PAX7: variants seen among roughly 807,000 people sequenced by gnomAD.
PAX7 encodes paired box protein Pax-7.
A neutral mutation model predicts 50.7 loss-of-function variants in PAX7; 18 were observed. The ratio of observed to expected loss-of-function variants is 0.36; its 90% CI spans 0.25 to 0.53. PAX7 has a LOEUF of 0.53. Ranked by LOEUF, PAX7 falls within the 20% of genes least tolerant of loss-of-function variation. The pLI is 0.93. For synonymous variants in PAX7, 310 were observed against 290.4 expected (o/e 1.07, Z -0.69); for missense variants, 644 against 702.9 (o/e 0.92, Z 0.95).
intron 4 of PAX7, among the ~76,000 whole-genome samples, chr1:18,670,378 G>A (rs1187136315): frequency 2.0e-5 from 3 of 152,108 alleles, no homozygotes; most frequent in African/African-American, 4.8e-5. Context: ...GCATTGCAGG[G>A]CAGGATGGAG....
intron 4 of PAX7, among the ~76,000 whole-genome samples, chr1:18,657,813 A>G (rs1296130392): frequency 6.6e-6 from 1 of 152,116 alleles, no homozygotes; most frequent in South Asian, 2.1e-4. Context: ...CTAAAAAAAA[A>G]GACGCCAGCC....
intron 4 of PAX7, among the ~76,000 whole-genome samples, chr1:18,651,006 C>T (rs1464064227): frequency 6.6e-6 from 1 of 152,104 alleles, no homozygotes; most frequent in African/African-American, 2.4e-5. Context: ...GGGCTCTGAG[C>T]CCTTATATCC....
At chr1:18,714,597 T>C (rs1239356965) in intron 7 of PAX7, among the ~76,000 whole-genome samples, 1 of 152,218 alleles carries the variant, frequency 6.6e-6, no homozygotes, top group Non-Finnish European at 1.5e-5. Context: ...GTGATCTTGA[T>C]AGAGGCCTTA....
At chr1:18,702,584 A>G (rs1360540754) in intron 6 of PAX7, among the ~76,000 whole-genome samples, 1 of 152,148 alleles carries the variant, frequency 6.6e-6, no homozygotes, top group Non-Finnish European at 1.5e-5. Flanking sequence ...GAGTTAGGCC[A>G]TTCAAATCCT....
chr1:18,740,243 TG>T (rs1931055585), intron 8 of PAX7, among the ~76,000 whole-genome samples: 1 of 152,182 alleles, frequency 6.6e-6, no homozygotes, highest in Admixed American at 6.5e-5. Flanking sequence ...TGCAGCCTGT[TG>T]GGTGCCCTTG....
chr1:18,674,637 A>G (rs1276502141), intron 4 of PAX7, among the ~76,000 whole-genome samples: 1 of 152,178 alleles, frequency 6.6e-6, no homozygotes, highest in Non-Finnish European at 1.5e-5. Context: ...TTCCCATGTG[A>G]AAAAGATCCA....
rs1931378661 is a variant in PAX7, at chr1:18,745,131, A to T, written c.*202A>T. 2.2e-5 allele frequency: 13 copies of T among 583,000 alleles called. No individual in the cohort carries two copies. The South Asian group carries it at 2.5e-4, about 11-fold the overall frequency. 36.1% of individuals were successfully genotyped at this position (583,000 alleles called of 1,614,324 possible). On this transcript the variant is annotated 3_prime_UTR_variant, in exon 9 of 9. Coordinates refer to ENST00000420770, the MANE Select transcript of PAX7 (RefSeq NM_001135254.2). ...TAGGGATCCAGAGTGATGCCCTTGGAGTCTGCTCCCCACTTTCCCCAAGGA... is the reference window on the plus strand; with the variant it reads ...TAGGGATCCAGAGTGATGCCCTTGGTGTCTGCTCCCCACTTTCCCCAAGGA...
rs74056094 is a variant in PAX7, at chr1:18,745,994, C to T, written c.*1065C>T. On this transcript the variant is annotated 3_prime_UTR_variant, in exon 9 of 9. Transcript: ENST00000420770. ...AGTTGAGATTTTGCCCAAAGCCTTC[C>T]GCAGAGGCCCGAGCCCATCCTTACC... The T allele has an allele frequency of 3.9e-3, 911 of 230,826 alleles. 5 individuals are homozygous for T. Among genetic ancestry groups the T allele is most frequent in the African/African-American group, 0.018 (828 of 45,276 alleles). The allele number at this position is 230,826 out of a possible 1,614,324, so 14.3% of individuals were successfully genotyped here.
rs573128015 is a variant in PAX7 at position 18,745,315 on chromosome 1, T to A, written c.*386T>A. On this transcript the variant is annotated 3_prime_UTR_variant, in exon 9 of 9. Transcript: ENST00000420770. Reference sequence around the variant, plus strand: ...TACAGCCCTTTGGACCCAACTCCAGTGGGGGCCCTAGCTAGAAGTGGAGGT... The same window carrying A: ...TACAGCCCTTTGGACCCAACTCCAGAGGGGGCCCTAGCTAGAAGTGGAGGT... 103 of 276,440 alleles carry A rather than the reference T, an allele frequency of 3.7e-4. No homozygotes were observed. Among genetic ancestry groups the A allele is most frequent in the Non-Finnish European group, 5.7e-4 (82 of 144,254 alleles). The allele number at this position is 276,440 out of a possible 1,614,324, so 17.1% of individuals were successfully genotyped here.
At chr1:18,689,225 G>A (rs900116862) in intron 4 of PAX7, among the ~76,000 whole-genome samples, 2 of 152,202 alleles carry the variant, frequency 1.3e-5, no homozygotes, top group African/African-American at 2.4e-5. Flanking sequence ...AAGCCCCAAG[G>A]GCTGGCTTCC....
At chr1:18,743,975 C>T (rs1931286894) in intron 8 of PAX7, among the ~76,000 whole-genome samples, 1 of 152,202 alleles carries the variant, frequency 6.6e-6, no homozygotes, top group Non-Finnish European at 1.5e-5. Context: ...GTTGTTCACA[C>T]ACACAAGTAT....
intron 7 of PAX7, among the ~76,000 whole-genome samples, chr1:18,717,106 G>A (rs2089435674): frequency 6.6e-6 from 1 of 152,154 alleles, no homozygotes; most frequent in African/African-American, 2.4e-5. Flanking sequence ...GGAAAATGCG[G>A]GGAGACAAAA....
At chr1:18,672,698 C>T (rs766716130) in intron 4 of PAX7, among the ~76,000 whole-genome samples, 4 of 151,690 alleles carry the variant, frequency 2.6e-5, no homozygotes, top group Non-Finnish European at 1.5e-5. Context: ...CTCCGCCTCC[C>T]ATGTTTAAGC....
intron 4 of PAX7, among the ~76,000 whole-genome samples, chr1:18,665,229 C>T (rs1221419092): frequency 6.6e-6 from 1 of 152,166 alleles, no homozygotes; most frequent in East Asian, 1.9e-4. Flanking sequence ...AGCTCTCAAC[C>T]TCAATGGCCT....
chr1:18,735,500 C>T lies in PAX7; in HGVS notation c.1156-132C>T, dbSNP rs11577407. 1,535 of 1,461,872 alleles carry T rather than the reference C, an allele frequency of 1.1e-3. 14 individuals are homozygous for T. The African/African-American group carries it at 0.018, about 17-fold the overall frequency. 90.6% of individuals were successfully genotyped at this position (1,461,872 alleles called of 1,614,324 possible). A position where few individuals can be genotyped will look rare whatever the true frequency, so the allele number is the denominator to read the frequency against. On this transcript the variant is annotated intron_variant, in intron 7 of 8. Transcript: ENST00000420770. This position sits in a 1 kb window ranked among gnomAD's most constrained non-coding sequence, Gnocchi z 4.0. ...CGCAAATCAGGTAAACTGAGGACCT[C>T]GAAGCTACAGAGACTTCAAGGGAAC...
chr1:18,718,965 GT>G (rs1174646010), intron 7 of PAX7, among the ~76,000 whole-genome samples: 1 of 152,124 alleles, frequency 6.6e-6, no homozygotes, highest in Non-Finnish European at 1.5e-5. Context: ...TAGAAAACAG[GT>G]TGGGGGGAGT....
rs181847859 is a variant in PAX7 at position 18,664,045 on chromosome 1, A to T, written c.586+27674A>T. On this transcript the variant is annotated intron_variant, in intron 4 of 8. Coordinates refer to ENST00000420770, the MANE Select transcript of PAX7 (RefSeq NM_001135254.2). The stretch of plus-strand genomic sequence containing the variant: ...TCCAGGGCTGCAATTCACTTTTCCA[A>T]TCCAGGATCTTGAAACTCACAGCTC... 1.3e-4 allele frequency among the ~76,000 whole-genome samples: 20 copies of T among 152,280 alleles called. No homozygotes were observed. The East Asian group carries it at 3.9e-3, about 29-fold the overall frequency.
rs548041494 is a variant in PAX7 at position 18,735,827 on chromosome 1, G to T, written c.1351G>T (p.Gly451Cys). Residue 451 changes from glycine to cysteine, a missense_variant, in exon 8 of 9, where the codon GGC becomes TGC. Physicochemically the swap from Gly to Cys is radical, Grantham distance 159. Coordinates refer to ENST00000420770, the MANE Select transcript of PAX7 (RefSeq NM_001135254.2). This position sits in a 1 kb window ranked among gnomAD's most constrained non-coding sequence, Gnocchi z 4.0. ...CTGCCCACCCACCTACAGCACCACC[G>T]GCTACAGCGTGGACCCCGTGGCCGG... ...AYCPPTYSTTGYSVDPVAGYQ... is the reference protein window; with the variant it reads ...AYCPPTYSTTCYSVDPVAGYQ... The T allele has an allele frequency of 6.2e-6, 10 of 1,614,108 alleles. No homozygotes were observed. The highest frequency in any genetic ancestry group is 7.6e-6 in the Non-Finnish European group (9 of 1,180,014).
intron 7 of PAX7, among the ~76,000 whole-genome samples, chr1:18,734,852 T>G (rs959241940): frequency 6.6e-6 from 1 of 151,894 alleles, no homozygotes; most frequent in Non-Finnish European, 1.5e-5. Context: ...GTTTGTGGAG[T>G]AAACAAGTGA....
Sources: gnomAD v4.1 joint callset for allele counts (sites outside exome capture counted in the v4.1 genomes callset) on GRCh38, gnomAD v4.1.1 for gene constraint, Gnocchi (gnomAD v3.1) non-coding constraint, MANE v1.5 for transcripts, NCBI Gene and HGNC (gene_info 2026-07-23, HGNC 2026-07-21) for gene names.